Variants in PDZD8 observed in about 807,000 individuals in gnomAD.
PDZD8 encodes PDZ domain containing 8, also known as PDZ domain-containing protein 8.
PDZD8 carries 14 observed loss-of-function variants against 85.8 expected under a neutral mutation model. The ratio of observed to expected loss-of-function variants is 0.16; its 90% CI spans 0.11 to 0.26. PDZD8 has a LOEUF of 0.26. PDZD8 is among the 10% of genes least tolerant of loss of function. The pLI, the probability that PDZD8 is intolerant of heterozygous loss-of-function variation, is 1.00. For missense variants in PDZD8, 1,197 were observed against 1,424.3 expected (o/e 0.84, Z 2.57); for synonymous variants, 592 against 568.6 (o/e 1.04, Z -0.59).
intron 3 of PDZD8, among the ~76,000 whole-genome samples, chr10:117,295,223 T>C (rs1189644282): frequency 2.6e-5 from 4 of 152,036 alleles, no homozygotes; most frequent in Non-Finnish European, 5.9e-5. Flanking sequence ...CCATAAAACA[T>C]GGTAACAAAT....
At chr10:117,353,946 A>G (rs1844850033) in intron 1 of PDZD8, among the ~76,000 whole-genome samples, 1 of 152,148 alleles carries the variant, frequency 6.6e-6, no homozygotes, top group Non-Finnish European at 1.5e-5. Flanking sequence ...CAGTTCATAC[A>G]TTGGTACCTA....
chr10:117,287,175 CTATCAA>C (rs1379519207), intron 4 of PDZD8, among the ~76,000 whole-genome samples: 2 of 152,106 alleles, frequency 1.3e-5, no homozygotes, highest in Admixed American at 1.3e-4. Context: ...TGACTTTGCT[CTATCAA>C]TTATCCTTAA....
rs1389807131 is a variant in PDZD8 at position 117,374,337 on chromosome 10, T to C, written c.872+19A>G. 1.9e-6 allele frequency: 3 copies of C among 1,607,772 alleles called. No homozygotes were observed. In the Admixed American group the frequency reaches 5.0e-5, roughly 27 times the overall value. On this transcript the variant is annotated intron_variant, in intron 1 of 4. Transcript: ENST00000334464. This position sits in a 1 kb window ranked among gnomAD's most constrained non-coding sequence, Gnocchi z 7.8. ...CCGGGTTCCCGGCAGCCAGGCCCCC[T>C]CCCCGACCTCCAGCTCACCTGATCT...
At chr10:117,295,113 T>C (rs930106062) in intron 3 of PDZD8, among the ~76,000 whole-genome samples, 13 of 151,872 alleles carry the variant, frequency 8.6e-5, no homozygotes, top group African/African-American at 3.1e-4. Context: ...ACCACTACAG[T>C]CCAGCCTGGG....
At chr10:117,312,032 G>C (rs751823926) in intron 3 of PDZD8, among the ~76,000 whole-genome samples, 4 of 152,030 alleles carry the variant, frequency 2.6e-5, no homozygotes, top group Non-Finnish European at 5.9e-5. Context: ...TCCCATCAGT[G>C]CTTTACATTG....
At chr10:117,355,892 G>T (rs74159195) in intron 1 of PDZD8, among the ~76,000 whole-genome samples, 1,961 of 152,126 alleles carry the variant, frequency 0.013, 44 homozygotes, top group African/African-American at 0.043. Context: ...AAAATTTTCA[G>T]AAGTTTCTAG....
chr10:117,359,201 G>A (rs923846060), intron 1 of PDZD8, among the ~76,000 whole-genome samples: 14 of 152,124 alleles, frequency 9.2e-5, no homozygotes, highest in African/African-American at 3.4e-4. Flanking sequence ...GATGGATTGA[G>A]CCCAGGAGTT....
intron 3 of PDZD8, among the ~76,000 whole-genome samples, chr10:117,306,567 G>T (rs1378344008): frequency 1.3e-5 from 2 of 152,026 alleles, no homozygotes; most frequent in Non-Finnish European, 2.9e-5. Flanking sequence ...CACCAGGTCA[G>T]GCCTCAACTT....
intron 1 of PDZD8, among the ~76,000 whole-genome samples, chr10:117,345,916 A>C (rs1589581870): frequency 6.6e-6 from 1 of 152,216 alleles, no homozygotes; most frequent in East Asian, 1.9e-4. Flanking sequence ...TTCATGGAAA[A>C]AGACATGATT....
At chr10:117,288,198 T>C (rs1372458748) in intron 4 of PDZD8, among the ~76,000 whole-genome samples, 2 of 152,276 alleles carry the variant, frequency 1.3e-5, no homozygotes, top group Non-Finnish European at 2.9e-5. Flanking sequence ...CCAATCTTAT[T>C]TCAACTATCA....
intron 1 of PDZD8, among the ~76,000 whole-genome samples, chr10:117,351,997 G>C (rs1308747313): frequency 2.0e-5 from 3 of 152,120 alleles, no homozygotes; most frequent in African/African-American, 7.2e-5. Flanking sequence ...TTTTAAATGT[G>C]CATTATTTTA....
intron 1 of PDZD8, among the ~76,000 whole-genome samples, chr10:117,369,457 C>T (rs2133892859): frequency 6.6e-6 from 1 of 152,168 alleles, no homozygotes; most frequent in African/African-American, 2.4e-5. Context: ...CCGCACCTGG[C>T]CAACAATGTC....
chr10:117,335,151 G>A (rs1406264753), intron 2 of PDZD8, among the ~76,000 whole-genome samples: 1 of 152,136 alleles, frequency 6.6e-6, no homozygotes, highest in Non-Finnish European at 1.5e-5. Context: ...AAAACAACAT[G>A]TTACATATGG....
intron 1 of PDZD8, among the ~76,000 whole-genome samples, chr10:117,365,388 T>C (rs1845071006): frequency 6.6e-6 from 1 of 152,214 alleles, no homozygotes; most frequent in Non-Finnish European, 1.5e-5. Flanking sequence ...CCTGCCTTTA[T>C]AAATTAATAG....
intron 1 of PDZD8, among the ~76,000 whole-genome samples, chr10:117,345,281 A>G (rs139486697): frequency 1.6e-4 from 24 of 152,372 alleles, no homozygotes; most frequent in African/African-American, 4.6e-4. Context: ...AGGAAGACAT[A>G]TCCTAGGCTG....
chr10:117,330,681 C>A (rs1589571057), intron 2 of PDZD8, among the ~76,000 whole-genome samples: 1 of 152,316 alleles, frequency 6.6e-6, no homozygotes, highest in South Asian at 2.1e-4. Context: ...CTTTAACCCA[C>A]AACACCTCTT....
chr10:117,301,575 A>G (rs2794419), intron 3 of PDZD8, among the ~76,000 whole-genome samples: 116,931 of 152,074 alleles, frequency 0.77, 45,607 homozygotes, highest in Non-Finnish European at 0.85. Flanking sequence ...TGAATGAGCA[A>G]CTCTGGCTAT....
In PDZD8 at chr10:117,278,451, T is replaced by C. The variant is rs1389225838; in HGVS notation, c.*4817A>G. On this transcript the variant is annotated 3_prime_UTR_variant, in exon 5 of 5. Transcript: ENST00000334464. ...CATCCAGTGTGCAGTGTTGTGTATTTTTCTAAGCATGACAACATTGATGTG... is the reference window on the plus strand; with the variant it reads ...CATCCAGTGTGCAGTGTTGTGTATTCTTCTAAGCATGACAACATTGATGTG... 1 of 152,218 alleles carries C rather than the reference T, an allele frequency of 6.6e-6. No homozygotes were observed. Among genetic ancestry groups the C allele is most frequent in the Non-Finnish European group, 1.5e-5 (1 of 68,032 alleles). 9.4% of individuals were successfully genotyped at this position (152,218 alleles called of 1,614,324 possible). A position where few individuals can be genotyped will look rare whatever the true frequency, so the allele number is the denominator to read the frequency against.
chr10:117,297,490 C>T (rs962867421), intron 3 of PDZD8, among the ~76,000 whole-genome samples: 51 of 152,060 alleles, frequency 3.4e-4, no homozygotes, highest in African/African-American at 1.2e-3. Flanking sequence ...AAGCCAGGAA[C>T]TGGTCAAATG....
Sources: allele counts gnomAD v4.1 joint callset (sites outside exome capture counted in the v4.1 genomes callset), GRCh38; gene constraint gnomAD v4.1.1; non-coding constraint Gnocchi (gnomAD v3.1); transcripts MANE v1.5; gene names NCBI Gene and HGNC (gene_info 2026-07-23, HGNC 2026-07-21).